CRLF3: variants seen among roughly 807,000 people sequenced by gnomAD.
CRLF3 encodes cytokine receptor like factor 3.
A neutral mutation model predicts 55.0 loss-of-function variants in CRLF3; 33 were observed. The ratio of observed to expected loss-of-function variants is 0.60; its 90% CI spans 0.46 to 0.80. The LOEUF (loss-of-function observed/expected upper bound fraction) is 0.80, where lower values mean the gene tolerates loss of function less well. CRLF3 is among the 30% of genes least tolerant of loss of function. The pLI is 0.00. For missense variants in CRLF3, 494 were observed against 538.4 expected (o/e 0.92, Z 0.82); for synonymous variants, 238 against 196.8 (o/e 1.21, Z -1.75).
Position 30,804,085 on chromosome 17 carries a change from T to G in CRLF3, c.153A>C (p.Thr51=). The G allele has an allele frequency of 6.2e-7, 1 of 1,612,978 alleles. No homozygotes were observed. The highest frequency in any genetic ancestry group is 8.5e-7 in the Non-Finnish European group (1 of 1,179,140). Residue 51 remains threonine, a synonymous_variant, in exon 2 of 8, where the codon ACA becomes ACC. Transcript: ENST00000324238. ...RRQIKESASQ[T]RDVLKQHFND... is the part of the protein sequence containing the mutation. ...TAAAATGCTGTTTGAGAACATCCCTTGTCTGTGATGCACTTTCTTTGATCT... is the reference window on the plus strand; with the variant it reads ...TAAAATGCTGTTTGAGAACATCCCTGGTCTGTGATGCACTTTCTTTGATCT...
chr17:30,794,000 G>A (rs757218796), intron 4 of CRLF3, among the ~76,000 whole-genome samples: 22 of 151,936 alleles, frequency 1.4e-4, no homozygotes, highest in East Asian at 3.9e-4. Flanking sequence ...CACCATGTCC[G>A]GCTAATTTTT....
intron 1 of CRLF3, among the ~76,000 whole-genome samples, chr17:30,816,017 C>T (rs2142272759): frequency 6.7e-6 from 1 of 149,696 alleles, no homozygotes; most frequent in South Asian, 2.1e-4. Flanking sequence ...GGCATGGTGG[C>T]TCACACCTGT....
At chr17:30,805,695 C>T (rs1038824275) in intron 1 of CRLF3, among the ~76,000 whole-genome samples, 3 of 135,610 alleles carry the variant, frequency 2.2e-5, no homozygotes, top group Non-Finnish European at 4.6e-5. Context: ...GCCTGGGCAA[C>T]AGAGTGAGAC....
At chr17:30,824,444 C>A in intron 1 of CRLF3, 79 bp downstream of exon 1, 1 of 1,447,662 alleles carries the variant, frequency 6.9e-7, no homozygotes, top group Non-Finnish European at 9.2e-7. Flanking sequence ...AGTCCCACCC[C>A]TCAAAGCCCT....
intron 7 of CRLF3, 76 bp from the exon 8 acceptor site, chr17:30,784,519 T>C: frequency 8.0e-7 from 1 of 1,250,294 alleles, no homozygotes; most frequent in Non-Finnish European, 1.1e-6. Flanking sequence ...AGATTACTGG[T>C]AACACAGCTC....
At chr17:30,791,288 G>A (rs1203009387) in intron 6 of CRLF3, among the ~76,000 whole-genome samples, 6 of 151,318 alleles carry the variant, frequency 4.0e-5, no homozygotes, top group Non-Finnish European at 7.4e-5. Context: ...CCAGGGTGGT[G>A]TCTTGATCTC....
intron 1 of CRLF3, among the ~76,000 whole-genome samples, chr17:30,814,301 ATTTG>A (rs1299385897): frequency 2.0e-5 from 3 of 151,726 alleles, no homozygotes. Context: ...GCTGTCTTAT[ATTTG>A]TTTGGCTTTT....
At chr17:30,800,469 A>T (rs1221233276) in intron 2 of CRLF3, among the ~76,000 whole-genome samples, 2 of 152,052 alleles carry the variant, frequency 1.3e-5, no homozygotes, top group East Asian at 3.8e-4. Flanking sequence ...CAAAAACAGC[A>T]CCACTATTTA....
chr17:30,823,818 T>C (rs1905062546), intron 1 of CRLF3, among the ~76,000 whole-genome samples: 1 of 152,106 alleles, frequency 6.6e-6, no homozygotes, highest in Non-Finnish European at 1.5e-5. Context: ...TAAAATCTAT[T>C]TTTCCATTTC....
intron 6 of CRLF3, among the ~76,000 whole-genome samples, chr17:30,787,214 T>C (rs1044415747): frequency 6.6e-6 from 1 of 152,262 alleles, no homozygotes; most frequent in African/African-American, 2.4e-5. Context: ...CATAGAAGGT[T>C]TGTCATAGTT....
In CRLF3 at chr17:30,794,743, A is replaced by G. The variant is rs189262365; in HGVS notation, c.604-1071T>C. On this transcript the variant is annotated intron_variant, in intron 4 of 7. Coordinates refer to ENST00000324238, the MANE Select transcript of CRLF3 (RefSeq NM_015986.4). Reference sequence around the variant, plus strand: ...AGCCCAGGAGATTGAGACTGGAGACATGATTGTGCCACTGTACTCCAGCCT... The same window carrying G: ...AGCCCAGGAGATTGAGACTGGAGACGTGATTGTGCCACTGTACTCCAGCCT... Among the ~76,000 whole-genome samples the G allele has an allele frequency of 3.7e-3, 557 of 152,300 alleles. 1 individual carries two copies. Among genetic ancestry groups the G allele is most frequent in the Non-Finnish European group, 5.3e-3 (363 of 68,018 alleles).
rs554397791 is a variant in CRLF3 at position 30,796,578 on chromosome 17, T to C, written c.426-241A>G. Among the ~76,000 whole-genome samples the C allele has an allele frequency of 2.6e-5, 4 of 152,338 alleles. No individual in the cohort carries two copies. In the East Asian group the frequency reaches 7.7e-4, roughly 29 times the overall value. ...AGCCAAAAGATCTGGTTTACTGGAA[T>C]ATGACTCCATTTCAACAATACATTG... On this transcript the variant is annotated intron_variant, in intron 3 of 7. Coordinates refer to ENST00000324238, the MANE Select transcript of CRLF3 (RefSeq NM_015986.4).
chr17:30,824,641 G>GC lies in CRLF3; in HGVS notation c.10dup (p.Ala4GlyfsTer7), dbSNP rs753676460. On this transcript the variant is annotated frameshift_variant, in exon 1 of 8. Transcript: ENST00000324238. LOFTEE classifies it high-confidence loss of function. ...CAGCAGCTCAGGCTCCAGCTCCATC[G>GC]CCCCCCTCATCTGGCCGCGCGGCCG... The GC allele has an allele frequency of 3.8e-6, 6 of 1,596,458 alleles. No individual in the cohort carries two copies. The highest frequency in any genetic ancestry group is 5.1e-6 in the Non-Finnish European group (6 of 1,176,068).
chr17:30,810,232 A>G (rs1484301584), intron 1 of CRLF3, among the ~76,000 whole-genome samples: 1 of 152,244 alleles, frequency 6.6e-6, no homozygotes, highest in Non-Finnish European at 1.5e-5. Context: ...ATAATCTGCC[A>G]CTAAAACCTT....
intron 1 of CRLF3, among the ~76,000 whole-genome samples, chr17:30,811,589 G>T (rs1284024322): frequency 6.6e-6 from 1 of 151,488 alleles, no homozygotes; most frequent in Non-Finnish European, 1.5e-5. Flanking sequence ...GAATCACGGA[G>T]TCAGGAGTTC....
At chr17:30,796,865 C>G (rs1354052763) in intron 3 of CRLF3, among the ~76,000 whole-genome samples, 1 of 151,682 alleles carries the variant, frequency 6.6e-6, no homozygotes, top group African/African-American at 2.4e-5. Context: ...CTGGGACTTA[C>G]AGGCGCACGC....
intron 4 of CRLF3, among the ~76,000 whole-genome samples, chr17:30,794,162 T>A (rs1219213677): frequency 2.0e-5 from 3 of 152,188 alleles, no homozygotes; most frequent in Non-Finnish European, 4.4e-5. Flanking sequence ...GAACCATGTG[T>A]TCTGTATTTC....
chr17:30,788,842 G>A (rs564196501), intron 6 of CRLF3, among the ~76,000 whole-genome samples: 167 of 151,928 alleles, frequency 1.1e-3, no homozygotes, highest in Middle Eastern at 6.8e-3. Flanking sequence ...TCCTGACCTC[G>A]TGATCTGCCC....
At chr17:30,811,915 C>A (rs1047499940) in intron 1 of CRLF3, among the ~76,000 whole-genome samples, 1 of 150,696 alleles carries the variant, frequency 6.6e-6, no homozygotes, top group African/African-American at 2.4e-5. Context: ...TCGAGACCAT[C>A]CTGGCTAACA....
Sources: gnomAD v4.1 joint callset for allele counts (sites outside exome capture counted in the v4.1 genomes callset) on GRCh38, gnomAD v4.1.1 for gene constraint, MANE v1.5 for transcripts, NCBI Gene and HGNC (gene_info 2026-07-23, HGNC 2026-07-21) for gene names.